CDH23: variants seen among roughly 807,000 people sequenced by gnomAD.
CDH23 encodes the protein cadherin-23.
Under a neutral mutation model 317.1 loss-of-function variants are expected in CDH23, and 189 were observed. The ratio of observed to expected loss-of-function variants is 0.60; its 90% CI spans 0.53 to 0.67. The LOEUF (loss-of-function observed/expected upper bound fraction) is 0.67. Ranked by LOEUF, CDH23 falls within the 30% of genes least tolerant of loss-of-function variation. The pLI, the probability that CDH23 is intolerant of heterozygous loss-of-function variation, is 0.00. For missense variants in CDH23, 4,401 were observed against 4,592.4 expected (o/e 0.96, Z 1.20); for synonymous variants, 1,839 against 1,876.8 (o/e 0.98, Z 0.52).
chr10:71,782,840 G>A (rs1840992985), intron 41 of CDH23, among the ~76,000 whole-genome samples: 1 of 152,272 alleles, frequency 6.6e-6, no homozygotes, highest in Non-Finnish European at 1.5e-5. Flanking sequence ...CAGGCAGGGT[G>A]AAGCCTATGG....
chr10:71,695,718 A>T (rs1436165688), intron 22 of CDH23, among the ~76,000 whole-genome samples, 193 bp downstream of exon 22: 7 of 152,232 alleles, frequency 4.6e-5, no homozygotes, highest in Non-Finnish European at 1.0e-4. Context: ...GAAAGCCCTC[A>T]TCCGGCCTCC....
rs1461014274 is a variant in CDH23 at position 71,489,521 on chromosome 10, A to G, written c.146-20561A>G. Among the ~76,000 whole-genome samples, 6 of 151,730 alleles carry G rather than the reference A, an allele frequency of 4.0e-5. No homozygotes were observed. In the East Asian group the frequency reaches 1.2e-3, roughly 29 times the overall value. ...TTTACATTCTATGCCTGATAATTGT[A>G]ATATCTGAACTATTTGAGGGCCTGA... On this transcript the variant is annotated intron_variant, in intron 3 of 69. Coordinates refer to ENST00000224721, the MANE Select transcript of CDH23 (RefSeq NM_022124.6).
intron 24 of CDH23, among the ~76,000 whole-genome samples, chr10:71,704,040 G>A (rs987907142): frequency 1.3e-5 from 2 of 152,168 alleles, no homozygotes; most frequent in Non-Finnish European, 2.9e-5. Flanking sequence ...GCTGGTTGTG[G>A]AGAAGAGCGT....
At chr10:71,403,353 TTC>T (rs1847889776) in intron 1 of CDH23, among the ~76,000 whole-genome samples, 1 of 91,998 alleles carries the variant, frequency 1.1e-5, no homozygotes, top group Non-Finnish European at 2.0e-5. Context: ...CTTTCTTTCT[TTC>T]TTTCTTTCTT....
rs762204430 is a variant in CDH23, at chr10:71,702,650, G to T, written c.2689G>T (p.Ala897Ser). 3.1e-6 allele frequency: 5 copies of T among 1,613,902 alleles called. No individual in the cohort carries two copies. The South Asian group carries it at 5.5e-5, about 18-fold the overall frequency. The part of the protein sequence containing the change: ...DPTFQNLPFV[A>S]EVLEGIPAGV... ...CACCTTTCAGAACCTGCCTTTTGTG[G>T]CCGAGGTGCTTGAAGGCATCCCGGC... Residue 897 changes from alanine (A) to serine (S), a missense_variant, in exon 24 of 70, where the codon GCC (alanine) becomes TCC (serine). Ala to Ser is a moderately conservative substitution (Grantham distance 99, BLOSUM62 1). Around this residue, in one of 3 missense-constraint regions of CDH23, gnomAD observed 3,068 missense variants for 3,203.3 expected, o/e 0.96. Coordinates refer to ENST00000224721, the MANE Select transcript of CDH23 (RefSeq NM_022124.6).
intron 11 of CDH23, among the ~76,000 whole-genome samples, chr10:71,643,132 G>A (rs1862644252): frequency 6.6e-6 from 1 of 152,244 alleles, no homozygotes; most frequent in South Asian, 2.1e-4. Context: ...CAATCACCAA[G>A]ATGTAGTTCT....
At position 71,732,752 on chromosome 10, in the gene CDH23, T is replaced by C. The variant is rs191431353; in HGVS notation, c.4104+377T>C. 1.4e-5 allele frequency: 16 copies of C among 1,107,428 alleles called. No homozygotes were observed. In the East Asian group the frequency reaches 7.2e-4, roughly 50 times the overall value. The allele number at this position is 1,107,428 out of a possible 1,614,324, so 68.6% of individuals were successfully genotyped here. Reference sequence around the variant, plus strand: ...GCTGGTATCCTTCTGTTTTTCCTTCTGTTTTCACACCCATCACAGATCCTT... The same window carrying C: ...GCTGGTATCCTTCTGTTTTTCCTTCCGTTTTCACACCCATCACAGATCCTT... On this transcript the variant is annotated intron_variant, in intron 32 of 69. Transcript: ENST00000224721.
chr10:71,453,381 C>T (rs1337191307), intron 3 of CDH23, among the ~76,000 whole-genome samples: 5 of 152,330 alleles, frequency 3.3e-5, no homozygotes, highest in African/African-American at 1.2e-4. Flanking sequence ...GACGGAGGAG[C>T]GGTGCGCCTG....
At chr10:71,808,532 CTTAT>C (rs1841813309) in intron 60 of CDH23, among the ~76,000 whole-genome samples, 1 of 152,224 alleles carries the variant, frequency 6.6e-6, no homozygotes, top group Admixed American at 6.5e-5. Context: ...AAAGCTCACA[CTTAT>C]ATCTATGGAT....
At chr10:71,600,738 G>A (rs983915110) in intron 9 of CDH23, among the ~76,000 whole-genome samples, 6 of 151,436 alleles carry the variant, frequency 4.0e-5, no homozygotes, top group African/African-American at 1.2e-4. Context: ...CAATGGTCTC[G>A]ATCTCCTGAC....
At position 71,555,980 on chromosome 10, in the gene CDH23, T is replaced by C. The variant is rs188683706; in HGVS notation, c.430-10762T>C. 1.6e-4 allele frequency among the ~76,000 whole-genome samples: 24 copies of C among 152,176 alleles called. 2 individuals are homozygous for C. The highest frequency in any genetic ancestry group is 4.6e-4 in the Admixed American group (7 of 15,286). Reference sequence around the variant, plus strand: ...CTAAGAAGGGAGGGAGTGTCAGTCATTGGGTGGTGATGTCTGACGTCTGCT... The same window carrying C: ...CTAAGAAGGGAGGGAGTGTCAGTCACTGGGTGGTGATGTCTGACGTCTGCT... On this transcript the variant is annotated intron_variant, in intron 6 of 69. Coordinates refer to ENST00000224721, the MANE Select transcript of CDH23 (RefSeq NM_022124.6).
At chr10:71,779,581 C>T in intron 41 of CDH23, 134 bp downstream of exon 41, 1 of 630,010 alleles carries the variant, frequency 1.6e-6, no homozygotes, top group Non-Finnish European at 2.6e-6. Context: ...TCAGTTTCCC[C>T]ATCTATGACA....
rs184854881 is a variant in CDH23 at position 71,408,707 on chromosome 10, G to C, written c.-6+11389G>C. ...GAAGGGAGCCCATGAATAATACAGCGGGAGAGAGGCTGTTAACTAGGTGAC... is the reference window on the plus strand; with the variant it reads ...GAAGGGAGCCCATGAATAATACAGCCGGAGAGAGGCTGTTAACTAGGTGAC... On this transcript the variant is annotated intron_variant, in intron 1 of 69. Transcript: ENST00000224721. Among the ~76,000 whole-genome samples, 405 of 152,320 alleles carry C rather than the reference G, an allele frequency of 2.7e-3. 2 individuals are homozygous for C. Among genetic ancestry groups the C allele is most frequent in the Non-Finnish European group, 4.9e-3 (332 of 68,024 alleles).
chr10:71,625,303 G>A (rs1861663332), intron 11 of CDH23, among the ~76,000 whole-genome samples: 1 of 148,526 alleles, frequency 6.7e-6, no homozygotes, highest in Non-Finnish European at 1.5e-5. Context: ...GTTTCAGGCA[G>A]GAGATGACAT....
At position 71,646,629 on chromosome 10, in the gene CDH23, C is replaced by A. The variant is rs1447159809; in HGVS notation, c.1449+12C>A. The stretch of plus-strand genomic sequence containing the variant: ...TGCTGACAGTCCTGGTGAGTCCCCG[C>A]TTCACTGCAGGGCCACTGAGCTCTC... On this transcript the variant is annotated intron_variant, in intron 14 of 69. Transcript: ENST00000224721. The A allele has an allele frequency of 6.2e-7, 1 of 1,613,926 alleles. No individual in the cohort carries two copies. The highest frequency in any genetic ancestry group is 1.3e-5 in the African/African-American group (1 of 74,924).
At chr10:71,585,798 C>T (rs999258062) in intron 9 of CDH23, among the ~76,000 whole-genome samples, 1 of 152,166 alleles carries the variant, frequency 6.6e-6, no homozygotes, top group Non-Finnish European at 1.5e-5. Flanking sequence ...GTCTTTATAG[C>T]CATGCTCATG....
chr10:71,803,370 C>G lies in CDH23; in HGVS notation c.7822C>G (p.Arg2608Gly), dbSNP rs370922401. The change falls in exon 55 of 70, where the codon CGC (arginine) becomes GGC (glycine). Residue 2608 changes from arginine to glycine, a missense_variant. Physicochemically the swap from Arg to Gly is moderately radical, Grantham distance 125. Around this residue, in one of 3 missense-constraint regions of CDH23, gnomAD observed 1,144 missense variants for 1,138.2 expected, o/e 1.01. Coordinates refer to ENST00000224721, the MANE Select transcript of CDH23 (RefSeq NM_022124.6). ...LVEVIDVNDN[R>G]PVFVRPPNGT... ...GGAGGTCATCGACGTCAATGACAAC[C>G]GCCCTGTCTTTGTGCGCCCACCCAA... 1.9e-6 allele frequency: 3 copies of G among 1,600,550 alleles called. No homozygotes were observed. The highest frequency in any genetic ancestry group is 2.7e-5 in the African/African-American group (2 of 74,322).
At chr10:71,683,822 G>A (rs10999950) in intron 18 of CDH23, among the ~76,000 whole-genome samples, 4,572 of 152,118 alleles carry the variant, frequency 0.03, 258 homozygotes, top group East Asian at 0.24. Context: ...TGGGCTGGGC[G>A]CGGTAATCCC....
chr10:71,598,121 G>A lies in CDH23; in HGVS notation c.833-17383G>A, dbSNP rs1046554525. 6.6e-5 allele frequency among the ~76,000 whole-genome samples: 10 copies of A among 152,372 alleles called. No homozygotes were observed. The East Asian group carries it at 9.6e-4, about 15-fold the overall frequency. On this transcript the variant is annotated intron_variant, in intron 9 of 69. Transcript: ENST00000224721. ...CACCCGGCCTTTCGTAATTAAAGCC[G>A]TAAGTCATCTTCCGACGGGAGCCTG...
Sources: allele counts gnomAD v4.1 joint callset (sites outside exome capture counted in the v4.1 genomes callset), GRCh38; gene constraint gnomAD v4.1.1; regional missense constraint gnomAD v4.1.1; transcripts MANE v1.5; gene names NCBI Gene and HGNC (gene_info 2026-07-23, HGNC 2026-07-21).